The following ADAM10 variants were observed in gnomAD, a reference collection of about 807,000 sequenced individuals.
ADAM10 encodes the protein ADAM metallopeptidase domain 10, also known as disintegrin and metalloproteinase domain-containing protein 10.
Under a neutral mutation model 90.1 loss-of-function variants are expected in ADAM10, and 17 were observed. That is an observed-to-expected ratio of 0.19 (90% CI 0.13 to 0.28). The LOEUF is 0.28. ADAM10 is among the 10% of genes least tolerant of loss of function. ADAM10 has a pLI of 1.00. For synonymous variants in ADAM10, 310 were observed against 298.6 expected (o/e 1.04, Z -0.40); for missense variants, 610 against 914.3 (o/e 0.67, Z 4.29).
At chr15:58,606,834 C>G (rs1461126151) in intron 14 of ADAM10, among the ~76,000 whole-genome samples, 1 of 152,206 alleles carries the variant, frequency 6.6e-6, no homozygotes, top group African/African-American at 2.4e-5. Flanking sequence ...ACTTTGAGAT[C>G]ACCGCTCTCG....
intron 1 of ADAM10, among the ~76,000 whole-genome samples, chr15:58,731,648 A>C (rs1246152243): frequency 1.3e-5 from 2 of 152,066 alleles, no homozygotes; most frequent in Non-Finnish European, 2.9e-5. Flanking sequence ...AAAAATTAAA[A>C]TTCAAGTATG....
chr15:58,672,786 C>CAAAAAAAAAAAAAAAAAAAAA lies in ADAM10; in HGVS notation c.484+6317_484+6337dup, dbSNP rs58659295. 5.9e-4 allele frequency: 36 copies of CAAAAAAAAAAAAAAAAAAAAA among 60,834 alleles called. 1 individual carries two copies. Among genetic ancestry groups the CAAAAAAAAAAAAAAAAAAAAA allele is most frequent in the African/African-American group, 2.0e-3 (34 of 16,678 alleles). The allele number at this position is 60,834 out of a possible 1,614,324, so 3.8% of individuals were successfully genotyped here. On this transcript the variant is annotated intron_variant, in intron 4 of 15. Transcript: ENST00000260408. ...TGAGCTAAAGGAAGGCCTCATGCAG[C>CAAAAAAAAAAAAAAAAAAAAA]AAAAAAAAAAAAAAAAAAAAAAAAG...
chr15:58,693,094 T>C (rs1897875965), intron 2 of ADAM10: 1 of 745,726 alleles, frequency 1.3e-6, no homozygotes, highest in Non-Finnish European at 2.5e-6. Context: ...AATCTCCTTG[T>C]TGGAATAGAA....
chr15:58,749,545 C>A lies in ADAM10; in HGVS notation c.-11G>T. The stretch of plus-strand genomic sequence containing the variant: ...TCTCAGCAACACCATCTTCCGCTGC[C>A]GCTGCCGCCGCCGCCGCCTCCTCAC... On this transcript the variant is annotated 5_prime_UTR_variant, in exon 1 of 16. Transcript: ENST00000260408. The A allele has an allele frequency of 6.4e-7, 1 of 1,551,702 alleles. No individual in the cohort carries two copies. Among genetic ancestry groups the A allele is most frequent in the South Asian group, 1.2e-5 (1 of 84,092 alleles).
chr15:58,736,511 C>A (rs140109268), intron 1 of ADAM10, among the ~76,000 whole-genome samples: 164 of 152,176 alleles, frequency 1.1e-3, no homozygotes, highest in South Asian at 1.9e-3. Context: ...AGAAAAAAAT[C>A]TCCTTAGTTA....
At chr15:58,600,495 T>C (rs1023284864) in intron 14 of ADAM10, among the ~76,000 whole-genome samples, 1 of 152,110 alleles carries the variant, frequency 6.6e-6, no homozygotes, top group East Asian at 1.9e-4. Flanking sequence ...TTACATTATA[T>C]ATAATATCTT....
At chr15:58,608,460 T>C (rs1462468265) in intron 14 of ADAM10, among the ~76,000 whole-genome samples, 1 of 152,334 alleles carries the variant, frequency 6.6e-6, no homozygotes, top group East Asian at 1.9e-4. Flanking sequence ...ATCTTACTGC[T>C]TGATGTGGTT....
intron 6 of ADAM10, among the ~76,000 whole-genome samples, chr15:58,644,200 C>G (rs888405647): frequency 6.6e-6 from 1 of 151,084 alleles, no homozygotes; most frequent in South Asian, 2.1e-4. Flanking sequence ...AATAAACATG[C>G]ATACTTCTTT....
At chr15:58,665,295 G>T (rs1897053857) in intron 4 of ADAM10, 98 bp from the exon 5 acceptor site, 1 of 971,622 alleles carries the variant, frequency 1.0e-6, no homozygotes, top group African/African-American at 1.6e-5. Flanking sequence ...CTTAACTAAT[G>T]AAAACCATAA....
At position 58,691,448 on chromosome 15, in the gene ADAM10, G is replaced by A. The variant is rs755116444; in HGVS notation, c.207-9134C>T. On this transcript the variant is annotated intron_variant, in intron 2 of 15. Transcript: ENST00000260408. ...CTTTGCACTCACCAATGATGTCACAGATGGACTTCTGTGCCTCCTTCATGC... is the reference window on the plus strand; with the variant it reads ...CTTTGCACTCACCAATGATGTCACAAATGGACTTCTGTGCCTCCTTCATGC... 15 of 659,792 alleles carry A rather than the reference G, an allele frequency of 2.3e-5. No individual in the cohort carries two copies. The Admixed American group carries it at 2.6e-4, about 11-fold the overall frequency. The allele number at this position is 659,792 out of a possible 1,614,324, so 40.9% of individuals were successfully genotyped here.
intron 6 of ADAM10, 61 bp downstream of exon 6, chr15:58,645,994 G>C (rs1896537439): frequency 6.4e-7 from 1 of 1,574,406 alleles, no homozygotes; most frequent in Admixed American, 1.7e-5. Flanking sequence ...ATTTTTAAAG[G>C]AAAGAATAGG....
intron 5 of ADAM10, among the ~76,000 whole-genome samples, chr15:58,653,472 T>G (rs28864995): frequency 0.47 from 70,880 of 151,976 alleles, 19,748 homozygotes; most frequent in East Asian, 0.84. Context: ...CAATTGAAAT[T>G]ATCGTATAAG....
intron 2 of ADAM10, among the ~76,000 whole-genome samples, chr15:58,688,544 G>A (rs1489424219): frequency 6.6e-6 from 1 of 151,516 alleles, no homozygotes; most frequent in Non-Finnish European, 1.5e-5. Flanking sequence ...GAGAATGAAT[G>A]ATAACGGAAT....
intron 2 of ADAM10, chr15:58,686,674 C>G (rs1441101795): frequency 1.4e-6 from 1 of 708,686 alleles, no homozygotes; most frequent in African/African-American, 1.7e-5. Flanking sequence ...TGATGAATGA[C>G]TGCCTTCAAG....
chr15:58,656,900 G>A (rs1896842077), intron 5 of ADAM10, among the ~76,000 whole-genome samples: 1 of 152,134 alleles, frequency 6.6e-6, no homozygotes. Flanking sequence ...AAATCCATCT[G>A]TTTTTGTTTC....
chr15:58,654,440 C>T (rs146719235), intron 5 of ADAM10, among the ~76,000 whole-genome samples: 105 of 152,230 alleles, frequency 6.9e-4, no homozygotes, highest in African/African-American at 2.5e-3. Context: ...AGTAAAGTGG[C>T]ACAATCTTTC....
chr15:58,673,895 C>T (rs1897255385), intron 4 of ADAM10, among the ~76,000 whole-genome samples: 1 of 152,008 alleles, frequency 6.6e-6, no homozygotes, highest in African/African-American at 2.4e-5. Context: ...CCACCACGCC[C>T]GGCTAACTTT....
chr15:58,623,280 A>G (rs1347376285), intron 10 of ADAM10, among the ~76,000 whole-genome samples: 1 of 152,210 alleles, frequency 6.6e-6, no homozygotes, highest in East Asian at 1.9e-4. Context: ...TCTGGGACAA[A>G]GCCACTTGGC....
At chr15:58,707,373 G>C (rs1254801334) in intron 2 of ADAM10, 1 of 148,768 alleles carries the variant, frequency 6.7e-6, no homozygotes, top group Non-Finnish European at 1.5e-5. Flanking sequence ...AGCAGAGCGA[G>C]ACTCCATCTA....
Sources: gnomAD v4.1 joint callset for allele counts (sites outside exome capture counted in the v4.1 genomes callset) on GRCh38, gnomAD v4.1.1 for gene constraint, MANE v1.5 for transcripts, NCBI Gene and HGNC (gene_info 2026-07-23, HGNC 2026-07-21) for gene names.